The following WNT8B variants were observed in gnomAD, a reference collection of about 807,000 sequenced individuals.
The protein encoded by WNT8B is protein Wnt-8b.
WNT8B carries 24 observed loss-of-function variants against 36.6 expected under a neutral mutation model. The ratio of observed to expected loss-of-function variants is 0.66; its 90% CI spans 0.48 to 0.92. The LOEUF (loss-of-function observed/expected upper bound fraction) is 0.92. Among genes scored for constraint, WNT8B ranks in the 40% least tolerant of loss-of-function variants. WNT8B has a pLI of 0.00. For missense variants in WNT8B, 402 were observed against 470.8 expected, an observed-to-expected ratio of 0.85 and a Z score of 1.35; for synonymous variants, 199 against 189.8, an observed-to-expected ratio of 1.05 and a Z score of -0.40.
At chr10:100,472,112 TTTTC>T (rs914382077) in intron 1 of WNT8B, among the ~76,000 whole-genome samples, 6 of 149,712 alleles carry the variant, frequency 4.0e-5, no homozygotes, top group Non-Finnish European at 7.4e-5. Flanking sequence ...GAAGATTTCT[TTTTC>T]TTTTTTTTTT....
intron 1 of WNT8B, among the ~76,000 whole-genome samples, chr10:100,475,871 G>C (rs1263905444): frequency 6.6e-6 from 1 of 152,138 alleles, no homozygotes; most frequent in Admixed American, 6.6e-5. Flanking sequence ...ACCTATAATG[G>C]CTTTGGAAAT....
intron 1 of WNT8B, among the ~76,000 whole-genome samples, chr10:100,477,077 T>G (rs949634525): frequency 5.3e-5 from 8 of 152,210 alleles, no homozygotes; most frequent in African/African-American, 1.9e-4. Flanking sequence ...ACCACTGATC[T>G]GTCCTCCAGC....
Position 100,482,301 on chromosome 10 carries a change from A to T in WNT8B, c.541A>T (p.Lys181Ter). 1.3e-6 allele frequency: 2 copies of T among 1,595,168 alleles called. No individual in the cohort carries two copies. Among genetic ancestry groups the T allele is most frequent in the Non-Finnish European group, 1.7e-6 (2 of 1,175,490 alleles). Residue 181 changes from lysine to a stop codon, truncating the protein, a stop_gained, in exon 6 of 6, where the codon AAG becomes TAG. Coordinates refer to ENST00000343737, the MANE Select transcript of WNT8B (RefSeq NM_003393.4). LOFTEE classifies it high-confidence loss of function. This position sits in a 1 kb window ranked among gnomAD's most constrained non-coding sequence, Gnocchi z 6.6. ...AVKGTMKRTC[K>*]CHGVSGSCTT... ...GAAGGGCACCATGAAACGCACGTGC[A>T]AGTGCCACGGCGTGTCTGGCAGCTG...
Position 100,482,912 on chromosome 10 carries a change from C to T in WNT8B, c.*96C>T. On this transcript the variant is annotated 3_prime_UTR_variant, in exon 6 of 6. Coordinates refer to ENST00000343737, the MANE Select transcript of WNT8B (RefSeq NM_003393.4). This position sits in a 1 kb window ranked among gnomAD's most constrained non-coding sequence, Gnocchi z 6.6. ...CTAGGGAATGGGGAACCCGCTCTCC[C>T]AGACCTAGGGATCCTGAGAGGGAGA... 1 of 1,329,780 alleles carries T rather than the reference C, an allele frequency of 7.5e-7. No individual in the cohort carries two copies. The highest frequency in any genetic ancestry group is 1.0e-6 in the Non-Finnish European group (1 of 1,001,780). 82.4% of individuals were successfully genotyped at this position (1,329,780 alleles called of 1,614,324 possible). A position where few individuals can be genotyped will look rare whatever the true frequency, so the allele number is the denominator to read the frequency against.
chr10:100,482,292 C>T lies in WNT8B; in HGVS notation c.532C>T (p.Arg178Cys), dbSNP rs1158266397. 6.3e-7 allele frequency: 1 copy of T among 1,590,750 alleles called. No homozygotes were observed. The highest frequency in any genetic ancestry group is 8.5e-7 in the Non-Finnish European group (1 of 1,173,068). ...CCAGGCGGTGAAGGGCACCATGAAACGCACGTGCAAGTGCCACGGCGTGTC... is the reference window on the plus strand; with the variant it reads ...CCAGGCGGTGAAGGGCACCATGAAATGCACGTGCAAGTGCCACGGCGTGTC... ...GRKAVKGTMKRTCKCHGVSGS... is the reference protein window; with the variant it reads ...GRKAVKGTMKCTCKCHGVSGS... Residue 178 changes from arginine (R) to cysteine (C), a missense_variant, in exon 6 of 6, where the codon CGC becomes TGC. Transcript: ENST00000343737. This position sits in a 1 kb window ranked among gnomAD's most constrained non-coding sequence, Gnocchi z 6.6.
chr10:100,482,413 T>G lies in WNT8B; in HGVS notation c.653T>G (p.Val218Gly). The change falls in exon 6 of 6, where the codon GTG (valine) becomes GGG (glycine). Residue 218 changes from valine to glycine, a missense_variant. Physicochemically the swap from Val to Gly is moderately radical, Grantham distance 109. This residue lies in a region of WNT8B where 256 missense variants were observed against 278.6 expected (regional missense o/e 0.92). Coordinates refer to ENST00000343737, the MANE Select transcript of WNT8B (RefSeq NM_003393.4). The surrounding 1 kb of genome is among the most constrained non-coding windows in gnomAD (Gnocchi z 6.6). ...GAGAAGTACCACGCAGCACTCAAGG[T>G]GGACCTGCTGCAGGGTGCTGGCAAC... ...LKEKYHAALK[V>G]DLLQGAGNSA... The G allele has an allele frequency of 6.2e-7, 1 of 1,607,124 alleles. No homozygotes were observed. Among genetic ancestry groups the G allele is most frequent in the Non-Finnish European group, 8.5e-7 (1 of 1,179,930 alleles).
rs566864158 is a variant in WNT8B at position 100,483,653 on chromosome 10, C to G, written c.*837C>G. On this transcript the variant is annotated 3_prime_UTR_variant, in exon 6 of 6. Coordinates refer to ENST00000343737, the MANE Select transcript of WNT8B (RefSeq NM_003393.4). ...ACTTCCTCCTAGCAACCAACTTTAC[C>G]TCTTCTTCTCCAAAGGATCTTTGTT... 2 of 152,358 alleles carry G rather than the reference C, an allele frequency of 1.3e-5. No homozygotes were observed. Among genetic ancestry groups the G allele is most frequent in the Admixed American group, 1.3e-4 (2 of 15,294 alleles). The allele number at this position is 152,358 out of a possible 1,614,324, so 9.4% of individuals were successfully genotyped here.
chr10:100,482,014 G>T lies in WNT8B; in HGVS notation c.470G>T (p.Arg157Leu). Residue 157 changes from arginine to leucine, a missense_variant, in exon 5 of 6, where the codon CGG becomes CTG. By Grantham distance (102) the Arg-to-Leu change is moderately radical. Around this residue, in one of 3 missense-constraint regions of WNT8B, gnomAD observed 256 missense variants for 278.6 expected, o/e 0.92. Coordinates refer to ENST00000343737, the MANE Select transcript of WNT8B (RefSeq NM_003393.4). This position sits in a 1 kb window ranked among gnomAD's most constrained non-coding sequence, Gnocchi z 6.6. The stretch of plus-strand genomic sequence containing the variant: ...GCCCTGGAAACAGGACAGGATGCAC[G>T]GGCAGCCATGAACCTGCACAACAAC... The part of the protein sequence containing the change: ...VDALETGQDA[R>L]AAMNLHNNEA... The T allele has an allele frequency of 2.5e-6, 4 of 1,614,178 alleles. No homozygotes were observed. The highest frequency in any genetic ancestry group is 3.4e-6 in the Non-Finnish European group (4 of 1,180,034).
At chr10:100,475,359 AAACAAAACAAAC>A (rs1483854011) in intron 1 of WNT8B, among the ~76,000 whole-genome samples, 1 of 152,236 alleles carries the variant, frequency 6.6e-6, no homozygotes, top group Non-Finnish European at 1.5e-5. Context: ...TCCAAAAACA[AAACAAAACAAAC>A]AACAAAAAAA....
chr10:100,469,968 T>A (rs539218015), intron 1 of WNT8B, among the ~76,000 whole-genome samples: 42 of 152,228 alleles, frequency 2.8e-4, no homozygotes, highest in Non-Finnish European at 5.4e-4. Context: ...TACCCTCCCC[T>A]TAGCCTTTAG....
chr10:100,481,952 G>C lies in WNT8B; in HGVS notation c.408G>C (p.Val136=), dbSNP rs374188804. The C allele has an allele frequency of 2.0e-5, 33 of 1,613,978 alleles. No homozygotes were observed. The African/African-American group carries it at 3.6e-4, about 18-fold the overall frequency. Residue 136 remains valine (V), a synonymous_variant, in exon 5 of 6, where the codon GTG becomes GTC. Coordinates refer to ENST00000343737, the MANE Select transcript of WNT8B (RefSeq NM_003393.4). ...TGTGGGGAGGCTGCAGTGACAATGT[G>C]GGCTTCGGAGAGGCGATTTCCAAGC... is the stretch of plus-strand genomic sequence containing the variant. ...GWLWGGCSDN[V]GFGEAISKQF...
intron 1 of WNT8B, among the ~76,000 whole-genome samples, chr10:100,468,763 G>T (rs1156631704): frequency 6.6e-6 from 1 of 152,194 alleles, no homozygotes; most frequent in Non-Finnish European, 1.5e-5. Flanking sequence ...TTTGTGCTTT[G>T]CTTGTGAAGG....
intron 1 of WNT8B, among the ~76,000 whole-genome samples, chr10:100,469,433 T>A (rs1328438543): frequency 1.3e-5 from 2 of 152,216 alleles, no homozygotes; most frequent in African/African-American, 4.8e-5. Flanking sequence ...CCTTTAAGAC[T>A]TCAGATACCT....
chr10:100,469,513 G>GT (rs1186718490), intron 1 of WNT8B, among the ~76,000 whole-genome samples: 1 of 152,162 alleles, frequency 6.6e-6, no homozygotes, highest in Non-Finnish European at 1.5e-5. Context: ...TTTGGAATAG[G>GT]TAAGAATTAG....
chr10:100,478,961 T>G, intron 1 of WNT8B, 91 bp from the exon 2 acceptor site: 1 of 1,086,918 alleles, frequency 9.2e-7, no homozygotes. Context: ...ATTAATGACA[T>G]GTGCTGAAGT....
At chr10:100,480,749 T>A (rs1473569097) in intron 3 of WNT8B, among the ~76,000 whole-genome samples, 2 of 152,128 alleles carry the variant, frequency 1.3e-5, no homozygotes, top group Non-Finnish European at 2.9e-5. Flanking sequence ...GGCTCAAGCC[T>A]GTAATCCCAA....
Position 100,482,381 on chromosome 10 carries a change from C to A in WNT8B, c.621C>A (p.His207Gln). The change falls in exon 6 of 6, where the codon CAC becomes CAA. Residue 207 changes from histidine to glutamine, a missense_variant. His to Gln is a conservative substitution (Grantham distance 24, BLOSUM62 0). This residue lies in a region of WNT8B where 256 missense variants were observed against 278.6 expected (regional missense o/e 0.92). Transcript: ENST00000343737. The surrounding 1 kb of genome is among the most constrained non-coding windows in gnomAD (Gnocchi z 6.6). ...CCGAGTTCCGCGAGGTGGGCGCGCA[C>A]CTGAAGGAGAAGTACCACGCAGCAC... Reference protein sequence around the residue: ...QLPEFREVGAHLKEKYHAALK... With the variant: ...QLPEFREVGAQLKEKYHAALK... 3 of 1,606,698 alleles carry A rather than the reference C, an allele frequency of 1.9e-6. No homozygotes were observed. The highest frequency in any genetic ancestry group is 1.7e-6 in the Non-Finnish European group (2 of 1,179,964).
chr10:100,463,065 C>CT lies in WNT8B; in HGVS notation c.-101dup. The stretch of plus-strand genomic sequence containing the variant: ...TCGCTTACACACCAAGGAAGTTGGG[C>CT]TTTGAGAATTCCATCCCACTGGCAC... On this transcript the variant is annotated 5_prime_UTR_variant, in exon 1 of 6. Transcript: ENST00000343737. 5 of 1,081,252 alleles carry CT rather than the reference C, an allele frequency of 4.6e-6. No homozygotes were observed. The South Asian group carries it at 5.8e-5, about 13-fold the overall frequency. The allele number at this position is 1,081,252 out of a possible 1,614,324, so 67.0% of individuals were successfully genotyped here.
Position 100,483,590 on chromosome 10 carries a change from C to A in WNT8B, c.*774C>A, listed in dbSNP as rs1173390356. The A allele has an allele frequency of 6.6e-6, 1 of 152,196 alleles. No homozygotes were observed. The highest frequency in any genetic ancestry group is 1.5e-5 in the Non-Finnish European group (1 of 68,038). The allele number at this position is 152,196 out of a possible 1,614,324, so 9.4% of individuals were successfully genotyped here. The stretch of plus-strand genomic sequence containing the variant: ...CGTTAAGGGCAGATTACAGTCATTT[C>A]CTACCCTTTAAAGGTAACTTCTCCC... On this transcript the variant is annotated 3_prime_UTR_variant, in exon 6 of 6. Transcript: ENST00000343737.
Sources: gnomAD v4.1 joint callset for allele counts (sites outside exome capture counted in the v4.1 genomes callset) on GRCh38, gnomAD v4.1.1 for gene constraint, gnomAD v4.1.1 regional missense constraint, Gnocchi (gnomAD v3.1) non-coding constraint, MANE v1.5 for transcripts, NCBI Gene and HGNC (gene_info 2026-07-23, HGNC 2026-07-21) for gene names.